KNSTRN: variants seen among roughly 807,000 people sequenced by gnomAD.
KNSTRN encodes small kinetochore-associated protein.
A neutral mutation model predicts 44.7 loss-of-function variants in KNSTRN; 38 were observed. The observed-to-expected ratio is 0.85, with a 90% CI of 0.66 to 1.11. KNSTRN has a LOEUF of 1.11. KNSTRN is among the 50% of genes most tolerant of loss of function. KNSTRN has a pLI of 0.00. For synonymous variants in KNSTRN, 158 were observed against 148.1 expected, an observed-to-expected ratio of 1.07 and a Z score of -0.48; for missense variants, 406 against 375.8, an observed-to-expected ratio of 1.08 and a Z score of -0.66.
intron 2 of KNSTRN, 95 bp from the exon 3 acceptor site, chr15:40,386,267 G>C: frequency 7.9e-7 from 1 of 1,273,750 alleles, no homozygotes; most frequent in East Asian, 2.4e-5. Flanking sequence ...GTAAAATAAA[G>C]ATTTATGACA....
intron 4 of KNSTRN, among the ~76,000 whole-genome samples, chr15:40,388,748 T>C (rs1464219964): frequency 6.6e-6 from 1 of 151,972 alleles, no homozygotes; most frequent in African/African-American, 2.4e-5. Context: ...AGGCCAGGTG[T>C]TCCTAGCCCT....
intron 4 of KNSTRN, among the ~76,000 whole-genome samples, chr15:40,388,787 A>G (rs1889946520): frequency 6.6e-6 from 1 of 152,114 alleles, no homozygotes; most frequent in African/African-American, 2.4e-5. Flanking sequence ...ACCTTCCAGC[A>G]TGGGCATTAG....
chr15:40,383,465 GTAGGTT>G (rs2141271432), intron 2 of KNSTRN, 143 bp downstream of exon 2: 3 of 623,410 alleles, frequency 4.8e-6, no homozygotes, highest in Non-Finnish European at 8.4e-6. Context: ...ACCAGGCTAT[GTAGGTT>G]TATGATGGGA....
rs1231156437 is a variant in KNSTRN, at chr15:40,393,550, G to T, written c.904G>T (p.Asp302Tyr). 6.2e-7 allele frequency: 1 copy of T among 1,613,900 alleles called. No individual in the cohort carries two copies. The highest frequency in any genetic ancestry group is 8.5e-7 in the Non-Finnish European group (1 of 1,179,986). The change falls in exon 9 of 9, where the codon GAT becomes TAT. Residue 302 changes from aspartate to tyrosine, a missense_variant. Physicochemically the swap from Asp to Tyr is radical, Grantham distance 160 (BLOSUM62 -3). Transcript: ENST00000249776. Reference sequence around the variant, plus strand: ...AACCTTATGTAACAATCAAGTAAATGATTTAACAACAGCCCTTAAGGAAAT... The same window carrying T: ...AACCTTATGTAACAATCAAGTAAATTATTTAACAACAGCCCTTAAGGAAAT... ...QQTLCNNQVN[D>Y]LTTALKEMEQ...
intron 4 of KNSTRN, among the ~76,000 whole-genome samples, chr15:40,388,772 C>A (rs1595739230): frequency 1.3e-5 from 2 of 152,228 alleles, no homozygotes; most frequent in East Asian, 3.9e-4. Flanking sequence ...TCCCGTAAAC[C>A]CACAACCTTC....
chr15:40,389,198 G>T (rs1350722001), intron 4 of KNSTRN: 1 of 471,458 alleles, frequency 2.1e-6, no homozygotes, highest in East Asian at 6.2e-5. Context: ...ACCCAGGCTG[G>T]AGTGCAATGG....
At chr15:40,387,414 G>A (rs774973430) in intron 4 of KNSTRN, among the ~76,000 whole-genome samples, 24 of 152,204 alleles carry the variant, frequency 1.6e-4, no homozygotes, top group Non-Finnish European at 2.6e-4. Context: ...ACTATCTTGT[G>A]TCTCAAGCAA....
chr15:40,383,380 T>G, intron 2 of KNSTRN, 58 bp downstream of exon 2: 1 of 1,377,834 alleles, frequency 7.3e-7, no homozygotes, highest in Non-Finnish European at 1.0e-6. Context: ...GTCTCGGGAG[T>G]GTGGAGATCG....
At position 40,393,186 on chromosome 15, in the gene KNSTRN, G is replaced by A. The variant is rs375756170; in HGVS notation, c.823-283G>A. 13 of 1,613,682 alleles carry A rather than the reference G, an allele frequency of 8.1e-6. No homozygotes were observed. In the African/African-American group the frequency reaches 9.3e-5, roughly 12 times the overall value. ...AAGCACAGATTCTTTGGTCTGGACT[G>A]TTTCAGATTGCTTGGATGAATCATG... On this transcript the variant is annotated intron_variant, in intron 8 of 8. Transcript: ENST00000249776.
intron 2 of KNSTRN, 92 bp downstream of exon 2, chr15:40,383,414 A>G: frequency 1.0e-6 from 1 of 972,976 alleles, no homozygotes; most frequent in East Asian, 2.5e-5. Flanking sequence ...GGCACGGGGA[A>G]GGGCGTCCCG....
rs774763213 is a variant in KNSTRN, at chr15:40,387,179, C to T, written c.458C>T (p.Thr153Ile). ...CCTAGGCAAATGAAAGCTACTGACA[C>T]TGCCACCAGAAGGAATGTCAGAAAA... ...RENGQMKATDTATRRNVRKGY... is the reference protein window; with the variant it reads ...RENGQMKATDIATRRNVRKGY... The change falls in exon 4 of 9, where the codon ACT becomes ATT. Residue 153 changes from threonine to isoleucine, a missense_variant. Thr to Ile is a moderately conservative substitution (Grantham distance 89). Coordinates refer to ENST00000249776, the MANE Select transcript of KNSTRN (RefSeq NM_033286.4). 1.2e-6 allele frequency: 2 copies of T among 1,613,496 alleles called. No homozygotes were observed.
In KNSTRN at chr15:40,392,013, A is replaced by G. The variant is rs755400344; in HGVS notation, c.812A>G (p.Glu271Gly). Residue 271 changes from glutamate (E) to glycine (G), a missense_variant, in exon 8 of 9, where the codon GAG (glutamate) becomes GGG (glycine). By Grantham distance (98) the Glu-to-Gly change is moderately conservative. Transcript: ENST00000249776. ...LFNETAKKQM[E>G]ELQALKVKLE... ...AACGAAACAGCCAAAAAGCAGATGG[A>G]GGAGTTACAGGTGAGAGGCAGACAT... 3 of 1,609,906 alleles carry G rather than the reference A, an allele frequency of 1.9e-6. No homozygotes were observed. The highest frequency in any genetic ancestry group is 1.7e-5 in the Admixed American group (1 of 59,028).
chr15:40,388,990 CATA>C (rs1422959042), intron 4 of KNSTRN, among the ~76,000 whole-genome samples: 1 of 152,194 alleles, frequency 6.6e-6, no homozygotes, highest in Admixed American at 6.5e-5. Context: ...TCTTATTACT[CATA>C]ATAATAATAC....
chr15:40,384,216 T>C (rs2141271886), intron 2 of KNSTRN: 1 of 292,576 alleles, frequency 3.4e-6, no homozygotes, highest in Non-Finnish European at 6.8e-6. Context: ...TACTAAAAAA[T>C]ACAAAAACTT....
In KNSTRN at chr15:40,383,264, G is replaced by T. The variant is rs1353696906; in HGVS notation, c.246G>T (p.Val82=). 4 of 1,614,022 alleles carry T rather than the reference G, an allele frequency of 2.5e-6. No homozygotes were observed. Among genetic ancestry groups the T allele is most frequent in the Non-Finnish European group, 3.4e-6 (4 of 1,179,992 alleles). The change falls in exon 2 of 9, where the codon GTG becomes GTT. Residue 82 remains valine (V), a synonymous_variant. Transcript: ENST00000249776. Reference sequence around the variant, plus strand: ...GCCGCCTCGTTACGATGACCAGTGTGGTTAAGACAGTGTATAGCCTGCAGC... The same window carrying T: ...GCCGCCTCGTTACGATGACCAGTGTTGTTAAGACAGTGTATAGCCTGCAGC... ...QPCRLVTMTS[V]VKTVYSLQPP...
intron 3 of KNSTRN, 135 bp downstream of exon 3, chr15:40,386,629 A>G: frequency 2.5e-6 from 2 of 801,118 alleles, no homozygotes; most frequent in Non-Finnish European, 3.9e-6. Flanking sequence ...AGAGCAGTGC[A>G]GCATTGCTGA....
chr15:40,384,628 C>G, intron 2 of KNSTRN: 2 of 348,752 alleles, frequency 5.7e-6, no homozygotes, highest in African/African-American at 2.2e-5. Context: ...ATTTCTATCT[C>G]TGTCCCAGCT....
intron 8 of KNSTRN, 196 bp from the exon 9 acceptor site, chr15:40,393,273 T>C: frequency 6.2e-7 from 1 of 1,612,320 alleles, no homozygotes; most frequent in Non-Finnish European, 8.5e-7. Flanking sequence ...GTCTAGTCCC[T>C]CTCTACTACT....
intron 8 of KNSTRN, chr15:40,393,078 G>A (rs1442595367): frequency 9.7e-6 from 10 of 1,026,188 alleles, no homozygotes; most frequent in Non-Finnish European, 1.5e-5. Flanking sequence ...GTGTAACACA[G>A]TAGGTTGCTC....
Sources: gnomAD v4.1 joint callset for allele counts (sites outside exome capture counted in the v4.1 genomes callset) on GRCh38, gnomAD v4.1.1 for gene constraint, MANE v1.5 for transcripts, NCBI Gene and HGNC (gene_info 2026-07-23, HGNC 2026-07-21) for gene names.